The following PAX5 variants were observed in gnomAD, a reference collection of about 807,000 sequenced individuals.
PAX5 encodes the protein paired box 5, also known as paired box protein Pax-5.
PAX5 carries 9 observed loss-of-function variants against 43.7 expected under a neutral mutation model. The ratio of observed to expected loss-of-function variants is 0.21; its 90% confidence interval spans 0.12 to 0.36. The LOEUF is 0.36. Among genes scored for constraint, PAX5 ranks in the 10% least tolerant of loss-of-function variants. The pLI is 1.00. For synonymous variants in PAX5, 228 were observed against 214.3 expected, an observed-to-expected ratio of 1.06 and a Z score of -0.56; for missense variants, 383 against 532.7, an observed-to-expected ratio of 0.72 and a Z score of 2.77.
intron 7 of PAX5, 171 bp downstream of exon 7, chr9:36,923,184 T>A (rs1400446385): frequency 2.9e-6 from 2 of 689,282 alleles, no homozygotes; most frequent in Non-Finnish European, 4.8e-6. Context: ...CCATGTCTCA[T>A]CACAGCTGCA....
In PAX5 at chr9:37,033,972, T is replaced by G. The variant is rs1841271763; in HGVS notation, c.46+14A>C. On this transcript the variant is annotated intron_variant, in intron 1 of 9. Transcript: ENST00000358127. The stretch of plus-strand genomic sequence containing the variant: ...CCGGAGTTTGCACATCTGGAGCCCG[T>G]ATCGCGGTCCTACCTGTCCTGCTGG... 1.2e-6 allele frequency: 2 copies of G among 1,611,432 alleles called. No individual in the cohort carries two copies. The highest frequency in any genetic ancestry group is 8.5e-7 in the Non-Finnish European group (1 of 1,179,296).
At chr9:36,869,028 CAGA>C (rs1825171646) in intron 8 of PAX5, among the ~76,000 whole-genome samples, 2 of 152,322 alleles carry the variant, frequency 1.3e-5, no homozygotes, top group South Asian at 4.1e-4. Flanking sequence ...TTTTGGAAGG[CAGA>C]AGCCAAGCTC....
At chr9:37,017,834 GA>G (rs1280311380) in intron 2 of PAX5, among the ~76,000 whole-genome samples, 1 of 152,250 alleles carries the variant, frequency 6.6e-6, no homozygotes. Context: ...CAGGCACTTA[GA>G]AGGCAACCCT....
chr9:36,883,045 A>G (rs1307201903), intron 7 of PAX5, among the ~76,000 whole-genome samples: 1 of 152,216 alleles, frequency 6.6e-6, no homozygotes, highest in African/African-American at 2.4e-5. Flanking sequence ...GCTGCCTGGT[A>G]CAAGTGCTCA....
chr9:37,020,041 C>T (rs773083754), intron 2 of PAX5, among the ~76,000 whole-genome samples: 3 of 150,894 alleles, frequency 2.0e-5, no homozygotes, highest in Non-Finnish European at 2.9e-5. Flanking sequence ...TTGTTTGCAG[C>T]AAATCGCCAG....
At chr9:37,029,337 C>T (rs1478722668) in intron 1 of PAX5, among the ~76,000 whole-genome samples, 1 of 152,184 alleles carries the variant, frequency 6.6e-6, no homozygotes, top group African/African-American at 2.4e-5. Flanking sequence ...TGTTCCACAC[C>T]CAGCTGTCCC....
At chr9:37,011,559 A>G (rs1838934577) in intron 3 of PAX5, among the ~76,000 whole-genome samples, 1 of 152,196 alleles carries the variant, frequency 6.6e-6, no homozygotes, top group African/African-American at 2.4e-5. Context: ...GGACACTCAG[A>G]CTGGATCCAG....
At chr9:36,964,332 T>A (rs775829067) in intron 6 of PAX5, among the ~76,000 whole-genome samples, 31 of 151,904 alleles carry the variant, frequency 2.0e-4, no homozygotes, top group Admixed American at 8.5e-4. Flanking sequence ...CTCACACCTA[T>A]AATCCCAGCA....
intron 4 of PAX5, among the ~76,000 whole-genome samples, chr9:37,004,410 G>A (rs2132411421): frequency 6.6e-6 from 1 of 152,350 alleles, no homozygotes; most frequent in African/African-American, 2.4e-5. Flanking sequence ...GCTATAACCA[G>A]CTGGAGGCAG....
intron 5 of PAX5, among the ~76,000 whole-genome samples, chr9:36,967,288 C>T (rs1834526965): frequency 6.6e-6 from 1 of 152,196 alleles, no homozygotes; most frequent in Admixed American, 6.5e-5. Flanking sequence ...CTGTGCTAGA[C>T]AAGTCGACAA....
rs1010819691 is a variant in PAX5, at chr9:36,837,220, T to G, written c.*3340A>C. The G allele has an allele frequency of 4.3e-6, 1 of 232,994 alleles. No individual in the cohort carries two copies. The highest frequency in any genetic ancestry group is 8.5e-6 in the Non-Finnish European group (1 of 117,992). The allele number at this position is 232,994 out of a possible 1,614,324, so 14.4% of individuals were successfully genotyped here. A position where few individuals can be genotyped will look rare whatever the true frequency, so the allele number is the denominator to read the frequency against. ...TATGTTGCCGTGAGAGCCCCAAATG[T>G]CAATTTCCCCGTCTATAAAGTAGGC... On this transcript the variant is annotated 3_prime_UTR_variant, in exon 10 of 10. Coordinates refer to ENST00000358127, the MANE Select transcript of PAX5 (RefSeq NM_016734.3).
At chr9:37,013,913 C>A (rs1839175039) in intron 3 of PAX5, among the ~76,000 whole-genome samples, 1 of 152,198 alleles carries the variant, frequency 6.6e-6, no homozygotes, top group South Asian at 2.1e-4. Flanking sequence ...ACAGAAGGAT[C>A]CACTATCAGG....
At chr9:37,002,859 G>A (rs1838026025) in intron 4 of PAX5, 83 bp from the exon 5 acceptor site, 6 of 1,494,910 alleles carry the variant, frequency 4.0e-6, no homozygotes, top group Non-Finnish European at 5.4e-6. Context: ...GGCTGGGGGC[G>A]GCTGGGAGGG....
rs1282780266 is a variant in PAX5, at chr9:36,840,618, C to T, written c.1118G>A (p.Ser373Asn). ...TGGGGCGGCTCCTCGGGCGGCAGCG[C>T]TATAATAGTAGGGGGAGCCTGGAAG... is the stretch of plus-strand genomic sequence containing the variant. Reference protein sequence around the residue: ...PGLLGSPYYYSAAARGAAPPA... With the variant: ...PGLLGSPYYYNAAARGAAPPA... Residue 373 changes from serine (S) to asparagine (N), a missense_variant, in exon 10 of 10, where the codon AGC becomes AAC. Transcript: ENST00000358127. The T allele has an allele frequency of 6.3e-6, 10 of 1,576,710 alleles. No individual in the cohort carries two copies. The highest frequency in any genetic ancestry group is 8.6e-7 in the Non-Finnish European group (1 of 1,161,942).
At chr9:36,885,452 A>C (rs1180961646) in intron 7 of PAX5, among the ~76,000 whole-genome samples, 1 of 152,208 alleles carries the variant, frequency 6.6e-6, no homozygotes, top group Non-Finnish European at 1.5e-5. Flanking sequence ...GCCAGCGCTT[A>C]CGGAGAGTAA....
At position 37,002,725 on chromosome 9, in the gene PAX5, C is replaced by T. The variant is rs375681031; in HGVS notation, c.527G>A (p.Gly176Asp). 39 of 1,610,330 alleles carry T rather than the reference C, an allele frequency of 2.4e-5. No homozygotes were observed. The highest frequency in any genetic ancestry group is 1.1e-5 in the Non-Finnish European group (13 of 1,178,860). The change falls in exon 5 of 10, where the codon GGC (glycine) becomes GAC (aspartate). Residue 176 changes from glycine to aspartate, a missense_variant. Gly to Asp is a moderately conservative substitution (Grantham distance 94). Coordinates refer to ENST00000358127, the MANE Select transcript of PAX5 (RefSeq NM_016734.3). ...QVSSVSTDSA[G>D]SSYSISGILG... ...GATGCCGCTGATGGAGTACGACGAG[C>T]CGGCCGAATCCGTGCTCACCGAGGA...
chr9:36,894,811 C>A (rs1237013410), intron 7 of PAX5, among the ~76,000 whole-genome samples: 1 of 152,230 alleles, frequency 6.6e-6, no homozygotes, highest in Non-Finnish European at 1.5e-5. Context: ...TTGGAAAGCA[C>A]AGCTCTGTTC....
chr9:36,844,282 C>T (rs1463351956), intron 9 of PAX5, among the ~76,000 whole-genome samples: 1 of 152,130 alleles, frequency 6.6e-6, no homozygotes, highest in African/African-American at 2.4e-5. Flanking sequence ...GAGTAGAGTA[C>T]CACATCACAT....
chr9:36,984,838 C>T (rs977402938), intron 5 of PAX5, among the ~76,000 whole-genome samples: 1 of 152,198 alleles, frequency 6.6e-6, no homozygotes, highest in African/African-American at 2.4e-5. Context: ...GAGTGCTTCA[C>T]TCTCACCATC....
Sources: gnomAD v4.1 joint callset for allele counts (sites outside exome capture counted in the v4.1 genomes callset) on GRCh38, gnomAD v4.1.1 for gene constraint, MANE v1.5 for transcripts, NCBI Gene and HGNC (gene_info 2026-07-23, HGNC 2026-07-21) for gene names.